Variants in CNTNAP2 observed in about 807,000 individuals in gnomAD.
CNTNAP2 encodes contactin-associated protein-like 2.
A neutral mutation model predicts 155.2 loss-of-function variants in CNTNAP2; 98 were observed. The ratio of observed to expected loss-of-function variants is 0.63; its 90% confidence interval spans 0.54 to 0.75. CNTNAP2 has a LOEUF of 0.75. Among genes scored for constraint, CNTNAP2 ranks in the 30% least tolerant of loss-of-function variants. CNTNAP2 has a pLI of 0.00. For missense variants in CNTNAP2, 1,727 were observed against 1,688.1 expected (o/e 1.02, Z -0.40); for synonymous variants, 651 against 631.2 (o/e 1.03, Z -0.47).
chr7:146,199,308 T>G (rs1398774221), intron 1 of CNTNAP2, among the ~76,000 whole-genome samples: 1 of 152,178 alleles, frequency 6.6e-6, no homozygotes, highest in African/African-American at 2.4e-5. Flanking sequence ...TTGAAATCAA[T>G]ATAATGCACT....
chr7:147,903,401 T>G (rs1688489565), intron 13 of CNTNAP2, among the ~76,000 whole-genome samples, 164 bp from the exon 14 acceptor site: 2 of 152,208 alleles, frequency 1.3e-5, no homozygotes, highest in Admixed American at 1.3e-4. Flanking sequence ...ACTGTGAAGA[T>G]TTTCTCCCAC....
At chr7:148,128,013 G>T (rs1037578428) in intron 16 of CNTNAP2, among the ~76,000 whole-genome samples, 1 of 152,010 alleles carries the variant, frequency 6.6e-6, no homozygotes, top group African/African-American at 2.4e-5. Flanking sequence ...GGTACCACAG[G>T]TGCACGCCAC....
At chr7:147,348,674 G>C (rs781438062) in intron 9 of CNTNAP2, among the ~76,000 whole-genome samples, 3 of 151,804 alleles carry the variant, frequency 2.0e-5, no homozygotes, top group Non-Finnish European at 4.4e-5. Flanking sequence ...AATCATTATA[G>C]CAAAGAGATA....
chr7:147,316,007 T>G (rs1795225976), intron 9 of CNTNAP2, among the ~76,000 whole-genome samples: 1 of 152,050 alleles, frequency 6.6e-6, no homozygotes, highest in Non-Finnish European at 1.5e-5. Context: ...CATTCACAAG[T>G]GATGGAGTTT....
At chr7:147,450,843 A>C (rs1483670843) in intron 10 of CNTNAP2, among the ~76,000 whole-genome samples, 4 of 152,082 alleles carry the variant, frequency 2.6e-5, no homozygotes, top group African/African-American at 4.8e-5. Context: ...TCATGTTATA[A>C]TTTTCTATGT....
At chr7:147,519,952 A>C (rs1003148127) in intron 11 of CNTNAP2, among the ~76,000 whole-genome samples, 3 of 152,232 alleles carry the variant, frequency 2.0e-5, no homozygotes, top group African/African-American at 4.8e-5. Flanking sequence ...CCACCCACGA[A>C]TCATAAAATC....
At chr7:146,846,453 G>A (rs986143002) in intron 3 of CNTNAP2, among the ~76,000 whole-genome samples, 4 of 151,982 alleles carry the variant, frequency 2.6e-5, no homozygotes, top group African/African-American at 7.2e-5. Flanking sequence ...CCTTATTTCT[G>A]TGAAATAGAT....
intron 13 of CNTNAP2, among the ~76,000 whole-genome samples, chr7:147,763,415 T>G (rs1797337948): frequency 7.8e-6 from 1 of 127,866 alleles, no homozygotes; most frequent in Non-Finnish European, 1.6e-5. Flanking sequence ...CTTTACAAAT[T>G]TTTCTTTTTT....
At chr7:147,222,986 C>A (rs968122340) in intron 8 of CNTNAP2, among the ~76,000 whole-genome samples, 16 of 152,130 alleles carry the variant, frequency 1.1e-4, no homozygotes, top group African/African-American at 3.9e-4. Context: ...ACACAGCGTT[C>A]TGGCATATTG....
At chr7:147,050,095 G>A (rs1050993116) in intron 4 of CNTNAP2, among the ~76,000 whole-genome samples, 8 of 152,114 alleles carry the variant, frequency 5.3e-5, no homozygotes, top group Non-Finnish European at 1.2e-4. Context: ...TTTCCCTCAA[G>A]TTTAGTTGAA....
chr7:146,404,368 A>T (rs1795760710), intron 1 of CNTNAP2, among the ~76,000 whole-genome samples: 1 of 152,116 alleles, frequency 6.6e-6, no homozygotes, highest in African/African-American at 2.4e-5. Context: ...CTGGGGTGGA[A>T]TGGAGAAATC....
rs1482003086 is a variant in CNTNAP2 at position 147,667,807 on chromosome 7, AT to A, written c.2098+28502del. ...CAGGCTGCTGCTGCAAAAAAAAAAA[AT>A]AATAAAAAAAATAAAATAAAAAAAT... On this transcript the variant is annotated intron_variant, in intron 13 of 23. Coordinates refer to ENST00000361727, the MANE Select transcript of CNTNAP2 (RefSeq NM_014141.6). 5.1e-3 allele frequency among the ~76,000 whole-genome samples: 759 copies of A among 149,488 alleles called. 8 individuals carry two copies. Among genetic ancestry groups the A allele is most frequent in the East Asian group, 0.018 (91 of 5,170 alleles).
chr7:146,614,247 C>T (rs978344680), intron 1 of CNTNAP2, among the ~76,000 whole-genome samples: 1 of 152,144 alleles, frequency 6.6e-6, no homozygotes, highest in Admixed American at 6.5e-5. Context: ...TGACTAATAA[C>T]TGATTAAGTT....
chr7:146,721,889 A>ATATATATATATATATTTTTTTTTTTTT lies in CNTNAP2; in HGVS notation c.98-52381_98-52380insATATATATATATATTTTTTTTTTTTTT. On this transcript the variant is annotated intron_variant, in intron 1 of 23. Coordinates refer to ENST00000361727, the MANE Select transcript of CNTNAP2 (RefSeq NM_014141.6). Reference sequence around the variant, plus strand: ...TGTGTGTGTGTGTATATATATATATATTTTTTTTTTTTTTTTTGAGATGGA... The same window carrying ATATATATATATATATTTTTTTTTTTTT: ...TGTGTGTGTGTGTATATATATATATATATATATATATATATTTTTTTTTTTTTTTTTTTTTTTTTTTTTTGAGATGGA... Among the ~76,000 whole-genome samples the ATATATATATATATATTTTTTTTTTTTT allele has an allele frequency of 4.3e-5, 3 of 69,734 alleles. No homozygotes were observed. The African/African-American group carries it at 5.7e-4, about 13-fold the overall frequency. 45.7% of individuals were successfully genotyped at this position (69,734 alleles called of 152,430 possible).
At chr7:148,028,025 A>G (rs1802404352) in intron 15 of CNTNAP2, among the ~76,000 whole-genome samples, 1 of 152,210 alleles carries the variant, frequency 6.6e-6, no homozygotes, top group Non-Finnish European at 1.5e-5. Flanking sequence ...AAAATGTAGC[A>G]TTCCTTCATA....
At chr7:147,192,929 G>C (rs961681933) in intron 8 of CNTNAP2, among the ~76,000 whole-genome samples, 2 of 152,092 alleles carry the variant, frequency 1.3e-5, no homozygotes, top group African/African-American at 4.8e-5. Context: ...CCCCAGACTA[G>C]TCCAGAAAAT....
At chr7:146,720,680 TC>T (rs1221176359) in intron 1 of CNTNAP2, among the ~76,000 whole-genome samples, 1 of 151,988 alleles carries the variant, frequency 6.6e-6, no homozygotes, top group African/African-American at 2.4e-5. Context: ...CCATTCACTG[TC>T]TGTTACGTTT....
chr7:146,552,689 C>T (rs1306154812), intron 1 of CNTNAP2, among the ~76,000 whole-genome samples: 19 of 152,042 alleles, frequency 1.2e-4, no homozygotes, highest in Admixed American at 9.8e-4. Flanking sequence ...ATGTATGAGA[C>T]CCCTCTTGGT....
At chr7:146,818,811 A>T (rs938877016) in intron 2 of CNTNAP2, among the ~76,000 whole-genome samples, 1 of 152,160 alleles carries the variant, frequency 6.6e-6, no homozygotes, top group African/African-American at 2.4e-5. Flanking sequence ...AAGAAAAACG[A>T]TATCACAAAA....
Sources: gnomAD v4.1 joint callset for allele counts (sites outside exome capture counted in the v4.1 genomes callset) on GRCh38, gnomAD v4.1.1 for gene constraint, MANE v1.5 for transcripts, NCBI Gene and HGNC (gene_info 2026-07-23, HGNC 2026-07-21) for gene names.